The following KIAA1217 variants were observed in gnomAD, a reference collection of about 807,000 sequenced individuals.
The protein encoded by KIAA1217 is KIAA1217, also known as sickle tail protein homolog.
Under a neutral mutation model 163.9 loss-of-function variants are expected in KIAA1217, and 88 were observed. That is an observed-to-expected ratio of 0.54 (90% CI 0.45 to 0.64). KIAA1217 has a LOEUF of 0.64. Among genes scored for constraint, KIAA1217 ranks in the 30% least tolerant of loss-of-function variants. The probability of loss-of-function intolerance (pLI) is 0.00; values close to 1 mark genes in which losing one functional copy is unlikely to be tolerated. For synonymous variants in KIAA1217, 903 were observed against 923.1 expected, an observed-to-expected ratio of 0.98 and a Z score of 0.39; for missense variants, 2,372 against 2,475.0, an observed-to-expected ratio of 0.96 and a Z score of 0.88.
At chr10:23,759,262 A>G (rs992348435) in intron 1 of KIAA1217, among the ~76,000 whole-genome samples, 3 of 152,116 alleles carry the variant, frequency 2.0e-5, no homozygotes, top group Non-Finnish European at 4.4e-5. Context: ...GTGACTTTGT[A>G]TGCTGCTACT....
intron 1 of KIAA1217, among the ~76,000 whole-genome samples, chr10:23,879,326 T>C (rs1359677381): frequency 6.6e-6 from 1 of 151,894 alleles, no homozygotes; most frequent in Non-Finnish European, 1.5e-5. Flanking sequence ...TTGCTAGAGA[T>C]GAGAAATACT....
chr10:23,788,665 A>T (rs1177093094), intron 1 of KIAA1217, among the ~76,000 whole-genome samples: 1 of 152,234 alleles, frequency 6.6e-6, no homozygotes, highest in East Asian at 1.9e-4. Context: ...GAGAGCAATT[A>T]CATATGCACA....
In KIAA1217 at chr10:24,547,757, C is replaced by A. The variant is rs1288705742; in HGVS notation, c.*1433C>A. 8 of 152,034 alleles carry A rather than the reference C, an allele frequency of 5.3e-5. No homozygotes were observed. The highest frequency in any genetic ancestry group is 1.9e-4 in the African/African-American group (8 of 41,428). The allele number at this position is 152,034 out of a possible 1,614,324, so 9.4% of individuals were successfully genotyped here. On this transcript the variant is annotated 3_prime_UTR_variant, in exon 21 of 21. Coordinates refer to ENST00000376454, the MANE Select transcript of KIAA1217 (RefSeq NM_019590.5). Reference sequence around the variant, plus strand: ...GCAAACCTGGATACAGAGTTTCCACCCTCAGTTCCTGGAGGGGCTCTTATT... The same window carrying A: ...GCAAACCTGGATACAGAGTTTCCACACTCAGTTCCTGGAGGGGCTCTTATT...
intron 2 of KIAA1217, among the ~76,000 whole-genome samples, chr10:24,079,040 G>T (rs1348786881): frequency 6.6e-6 from 1 of 152,180 alleles, no homozygotes; most frequent in African/African-American, 2.4e-5. Flanking sequence ...ATGAAATCAG[G>T]TCCCTTCTGT....
intron 6 of KIAA1217, among the ~76,000 whole-genome samples, chr10:24,489,615 A>C (rs2065846706): frequency 6.6e-6 from 1 of 151,924 alleles, no homozygotes; most frequent in Admixed American, 6.5e-5. Flanking sequence ...TATGCCTGTA[A>C]TTCCAACACT....
chr10:24,506,724 G>T (rs577575325), intron 9 of KIAA1217, among the ~76,000 whole-genome samples: 1 of 152,296 alleles, frequency 6.6e-6, no homozygotes, highest in South Asian at 2.1e-4. Context: ...CCAGCTTTCT[G>T]TCTGGAGGCA....
intron 2 of KIAA1217, among the ~76,000 whole-genome samples, chr10:24,328,030 T>C (rs2045157333): frequency 6.6e-6 from 1 of 152,168 alleles, no homozygotes; most frequent in Non-Finnish European, 1.5e-5. Flanking sequence ...AACTCCCTGA[T>C]TGGGACCCAG....
chr10:23,726,318 A>G (rs1564369297), intron 1 of KIAA1217, among the ~76,000 whole-genome samples: 1 of 130,546 alleles, frequency 7.7e-6, no homozygotes. Context: ...TTTTTTTTTT[A>G]GACAAATCAT....
At chr10:24,202,614 C>T (rs370502728) in intron 2 of KIAA1217, among the ~76,000 whole-genome samples, 1 of 152,168 alleles carries the variant, frequency 6.6e-6, no homozygotes, top group African/African-American at 2.4e-5. Flanking sequence ...CCCTCACAGG[C>T]GCTTTCCCCT....
chr10:24,102,800 A>G (rs2062468426), intron 2 of KIAA1217, among the ~76,000 whole-genome samples: 1 of 152,212 alleles, frequency 6.6e-6, no homozygotes, highest in Non-Finnish European at 1.5e-5. Context: ...AATGGGTGAT[A>G]TGTTTGGCTG....
intron 2 of KIAA1217, among the ~76,000 whole-genome samples, chr10:24,075,129 C>CAA (rs1223440929): frequency 1.5e-5 from 2 of 134,702 alleles, no homozygotes; most frequent in African/African-American, 7.6e-5. Flanking sequence ...TACACACACA[C>CAA]ACACACACAC....
intron 6 of KIAA1217, among the ~76,000 whole-genome samples, chr10:24,493,462 C>T (rs1331370358): frequency 2.6e-5 from 4 of 152,232 alleles, no homozygotes; most frequent in African/African-American, 9.6e-5. Flanking sequence ...CCTCTATTCA[C>T]TTACTCGTAT....
chr10:24,193,737 G>A (rs1213315000), intron 2 of KIAA1217, among the ~76,000 whole-genome samples: 1 of 151,574 alleles, frequency 6.6e-6, no homozygotes, highest in East Asian at 1.9e-4. Context: ...ACATTTGACA[G>A]TTAGAGCAGA....
intron 2 of KIAA1217, among the ~76,000 whole-genome samples, chr10:24,299,244 T>C (rs2041000810): frequency 1.3e-5 from 2 of 152,312 alleles, no homozygotes; most frequent in South Asian, 4.1e-4. Flanking sequence ...CTTTAGATTA[T>C]TTTGAGCCTA....
At chr10:24,417,366 G>A (rs556481695) in intron 3 of KIAA1217, among the ~76,000 whole-genome samples, 1 of 152,268 alleles carries the variant, frequency 6.6e-6, no homozygotes, top group South Asian at 2.1e-4. Context: ...CGTGAAATTT[G>A]AGTGTTCCCA....
At chr10:24,378,283 G>A (rs577322741) in intron 2 of KIAA1217, among the ~76,000 whole-genome samples, 38 of 152,224 alleles carry the variant, frequency 2.5e-4, no homozygotes, top group East Asian at 1.9e-3. Flanking sequence ...TTCCAGGGGC[G>A]AGAATTTGAT....
At chr10:24,470,966 G>A (rs987579679) in intron 5 of KIAA1217, among the ~76,000 whole-genome samples, 1 of 152,162 alleles carries the variant, frequency 6.6e-6, no homozygotes, top group Non-Finnish European at 1.5e-5. Context: ...CCTCTCCATG[G>A]CGCTTGGGAG....
chr10:24,001,891 G>A (rs1195497657), intron 1 of KIAA1217, among the ~76,000 whole-genome samples: 1 of 152,090 alleles, frequency 6.6e-6, no homozygotes, highest in African/African-American at 2.4e-5. Context: ...TATCTTGCAG[G>A]CTGTGTAGGT....
intron 2 of KIAA1217, among the ~76,000 whole-genome samples, chr10:24,185,819 G>A (rs1206282758): frequency 1.3e-5 from 2 of 151,824 alleles, no homozygotes; most frequent in Non-Finnish European, 1.5e-5. Context: ...GCAAAACTTA[G>A]CGGAATGTGG....
Sources: allele counts gnomAD v4.1 joint callset (sites outside exome capture counted in the v4.1 genomes callset), GRCh38; gene constraint gnomAD v4.1.1; transcripts MANE v1.5; gene names NCBI Gene and HGNC (gene_info 2026-07-23, HGNC 2026-07-21).